ADGRL3: variants seen among roughly 807,000 people sequenced by gnomAD.
The protein encoded by ADGRL3 is calcium-independent alpha-latrotoxin receptor 3.
Under a neutral mutation model 153.5 loss-of-function variants are expected in ADGRL3, and 62 were observed. That is an observed-to-expected ratio of 0.40 (90% CI 0.33 to 0.50). ADGRL3 has a LOEUF of 0.50. Among genes scored for constraint, ADGRL3 ranks in the 20% least tolerant of loss-of-function variants. ADGRL3 has a pLI of 0.47. For missense variants in ADGRL3, 1,641 were observed against 1,859.4 expected, an observed-to-expected ratio of 0.88 and a Z score of 2.16; for synonymous variants, 710 against 672.5, an observed-to-expected ratio of 1.06 and a Z score of -0.86.
intron 6 of ADGRL3, among the ~76,000 whole-genome samples, chr4:61,688,581 G>A (rs17090534): frequency 0.013 from 1,956 of 152,126 alleles, 53 homozygotes; most frequent in African/African-American, 0.045. Flanking sequence ...ATAGCCATTC[G>A]AATTAATACA....
chr4:61,844,388 A>G (rs1240287283), intron 9 of ADGRL3, among the ~76,000 whole-genome samples: 3 of 150,002 alleles, frequency 2.0e-5, no homozygotes, highest in African/African-American at 7.4e-5. Context: ...CTCTACTAAA[A>G]ATGCAAAACT....
rs187985185 is a variant in ADGRL3 at position 61,946,835 on chromosome 4, G to A, written c.2420-79G>A. ...TTTTTTGTGTGAATACATACTACAT[G>A]GATTTAATTTTCTATCTCATTAGTA... On this transcript the variant is annotated intron_variant, in intron 15 of 26. Coordinates refer to ENST00000683033, the MANE Select transcript of ADGRL3 (RefSeq NM_001387552.1). The A allele has an allele frequency of 5.3e-4, 574 of 1,089,846 alleles. 2 individuals are homozygous for A. In the African/African-American group the frequency reaches 7.6e-3, roughly 14 times the overall value. The allele number at this position is 1,089,846 out of a possible 1,614,324, so 67.5% of individuals were successfully genotyped here.
At chr4:61,222,163 C>T (rs538086466) in intron 1 of ADGRL3, among the ~76,000 whole-genome samples, 22 of 152,058 alleles carry the variant, frequency 1.4e-4, no homozygotes, top group Non-Finnish European at 2.8e-4. Flanking sequence ...TTAAGATACT[C>T]TTGGGTAGTT....
intron 1 of ADGRL3, among the ~76,000 whole-genome samples, chr4:61,326,752 T>C (rs1182664685): frequency 6.6e-6 from 1 of 151,892 alleles, no homozygotes; most frequent in African/African-American, 2.4e-5. Context: ...TCAAAAGCTT[T>C]GGGGTAAATT....
intron 17 of ADGRL3, among the ~76,000 whole-genome samples, chr4:61,963,029 G>A (rs1035967329): frequency 6.6e-6 from 1 of 152,018 alleles, no homozygotes; most frequent in Non-Finnish European, 1.5e-5. Flanking sequence ...GGACCTTGAA[G>A]AGTCAGAGAA....
At chr4:61,956,985 ATTC>A in intron 17 of ADGRL3, among the ~76,000 whole-genome samples, 1 of 152,104 alleles carries the variant, frequency 6.6e-6, no homozygotes, top group South Asian at 2.1e-4. Context: ...TTCCAGCTTC[ATTC>A]TTCTTGCTTA....
intron 8 of ADGRL3, among the ~76,000 whole-genome samples, chr4:61,747,428 C>A (rs1395728920): frequency 5.9e-5 from 9 of 151,794 alleles, no homozygotes; most frequent in African/African-American, 2.2e-4. Flanking sequence ...AGACCAATAT[C>A]TTTGATGAAC....
chr4:61,641,749 G>A (rs1307026005), intron 5 of ADGRL3, among the ~76,000 whole-genome samples: 7 of 151,484 alleles, frequency 4.6e-5, no homozygotes, highest in East Asian at 2.0e-4. Flanking sequence ...ATAAACATAC[G>A]TGTGCATGTG....
intron 1 of ADGRL3, among the ~76,000 whole-genome samples, chr4:61,357,604 T>G (rs932992075): frequency 2.0e-5 from 3 of 152,142 alleles, no homozygotes; most frequent in African/African-American, 7.2e-5. Flanking sequence ...TATTTTACAT[T>G]TTCTATATTG....
chr4:61,330,649 A>C (rs2095553452), intron 1 of ADGRL3, among the ~76,000 whole-genome samples: 1 of 152,096 alleles, frequency 6.6e-6, no homozygotes, highest in African/African-American at 2.4e-5. Context: ...ACAGCTCTTA[A>C]AGTTGGCACG....
At chr4:61,743,755 C>G (rs562363981) in intron 8 of ADGRL3, among the ~76,000 whole-genome samples, 71 of 152,308 alleles carry the variant, frequency 4.7e-4, no homozygotes, top group Middle Eastern at 6.8e-3. Context: ...ATAGGAACAG[C>G]TCCGCTCTAC....
At chr4:61,616,038 G>A (rs374125644) in intron 5 of ADGRL3, among the ~76,000 whole-genome samples, 2 of 152,000 alleles carry the variant, frequency 1.3e-5, no homozygotes, top group Admixed American at 1.3e-4. Context: ...TGCAAACATT[G>A]TACAGGTCAT....
intron 8 of ADGRL3, among the ~76,000 whole-genome samples, chr4:61,760,050 A>G (rs1056529457): frequency 1.3e-5 from 2 of 152,152 alleles, no homozygotes; most frequent in Non-Finnish European, 2.9e-5. Flanking sequence ...TCAGAGGAGT[A>G]CCCAGCCGTG....
chr4:61,769,913 G>A (rs923159106), intron 8 of ADGRL3, among the ~76,000 whole-genome samples: 10 of 152,020 alleles, frequency 6.6e-5, no homozygotes, highest in African/African-American at 2.4e-4. Context: ...AGTTAAGGTG[G>A]GGCAGGGCAT....
At chr4:61,286,496 C>A (rs2093948129) in intron 1 of ADGRL3, among the ~76,000 whole-genome samples, 1 of 151,462 alleles carries the variant, frequency 6.6e-6, no homozygotes, top group Admixed American at 6.6e-5. Context: ...TATTTTACAG[C>A]ATTTTAGATA....
At chr4:61,978,379 T>C (rs2099055430) in intron 17 of ADGRL3, among the ~76,000 whole-genome samples, 1 of 151,928 alleles carries the variant, frequency 6.6e-6, no homozygotes, top group African/African-American at 2.4e-5. Flanking sequence ...TCCATGTTTG[T>C]GACTTTAAAT....
chr4:61,479,123 C>G (rs1265669421), intron 2 of ADGRL3, among the ~76,000 whole-genome samples: 2 of 151,992 alleles, frequency 1.3e-5, no homozygotes, highest in Non-Finnish European at 2.9e-5. Context: ...CAGATCAACT[C>G]TAGACAAAAG....
At position 61,728,959 on chromosome 4, in the gene ADGRL3, G is replaced by A. The variant is rs60090447; in HGVS notation, c.584-1663G>A. ...GAGACATACAGTCCAGTAAACCCTGGAGTTACTCAATAAAGATTGAGGATG... is the reference window on the plus strand; with the variant it reads ...GAGACATACAGTCCAGTAAACCCTGAAGTTACTCAATAAAGATTGAGGATG... On this transcript the variant is annotated intron_variant, in intron 6 of 26. Coordinates refer to ENST00000683033, the MANE Select transcript of ADGRL3 (RefSeq NM_001387552.1). Among the ~76,000 whole-genome samples the A allele has an allele frequency of 9.0e-3, 1,364 of 152,034 alleles. 30 individuals are homozygous for A. The highest frequency in any genetic ancestry group is 0.031 in the African/African-American group (1,293 of 41,500).
intron 9 of ADGRL3, among the ~76,000 whole-genome samples, chr4:61,815,819 A>ACAG (rs2097682222): frequency 6.6e-6 from 1 of 152,228 alleles, no homozygotes; most frequent in Non-Finnish European, 1.5e-5. Flanking sequence ...ATGTGAGGAC[A>ACAG]CAGCAGGAGG....
Sources: allele counts gnomAD v4.1 joint callset (sites outside exome capture counted in the v4.1 genomes callset), GRCh38; gene constraint gnomAD v4.1.1; transcripts MANE v1.5; gene names NCBI Gene and HGNC (gene_info 2026-07-23, HGNC 2026-07-21).